The following DOCK8 variants were observed in gnomAD, a reference collection of about 807,000 sequenced individuals.
DOCK8 encodes the protein dedicator of cytokinesis protein 8.
A neutral mutation model predicts 245.6 loss-of-function variants in DOCK8; 141 were observed. That is an observed-to-expected ratio of 0.57 (90% confidence interval 0.50 to 0.66). The LOEUF is 0.66. Among genes scored for constraint, DOCK8 ranks in the 30% least tolerant of loss-of-function variants. The probability of loss-of-function intolerance (pLI) is 0.00; values close to 1 mark genes in which losing one functional copy is unlikely to be tolerated. For missense variants in DOCK8, 2,965 were observed against 2,603.4 expected (o/e 1.14, Z -3.02); for synonymous variants, 1,168 against 970.2 (o/e 1.20, Z -3.79).
chr9:280,205 A>T (rs538832800), intron 2 of DOCK8, among the ~76,000 whole-genome samples: 1 of 152,320 alleles, frequency 6.6e-6, no homozygotes, highest in African/African-American at 2.4e-5. Context: ...ATTTCTAATT[A>T]TTTTTTGTGT....
chr9:233,098 C>T (rs2047157700), intron 1 of DOCK8, among the ~76,000 whole-genome samples: 2 of 152,256 alleles, frequency 1.3e-5, no homozygotes, highest in East Asian at 1.9e-4. Context: ...TATGTTGTGT[C>T]TTTGTTCTTG....
intron 22 of DOCK8, among the ~76,000 whole-genome samples, chr9:384,997 A>G (rs2053891291): frequency 6.6e-6 from 1 of 152,236 alleles, no homozygotes; most frequent in Non-Finnish European, 1.5e-5. Context: ...AGTTTGAGCC[A>G]TCAGGAATTA....
At chr9:295,470 G>T (rs897029902) in intron 4 of DOCK8, among the ~76,000 whole-genome samples, 1 of 152,110 alleles carries the variant, frequency 6.6e-6, no homozygotes, top group African/African-American at 2.4e-5. Context: ...ATAAGTATTA[G>T]CTATTATATT....
chr9:349,130 G>A (rs1586765384), intron 14 of DOCK8, among the ~76,000 whole-genome samples: 1 of 152,162 alleles, frequency 6.6e-6, no homozygotes, highest in Non-Finnish European at 1.5e-5. Flanking sequence ...GGAGGTGCAG[G>A]TAAACCCCAC....
chr9:378,705 T>C (rs115131852), intron 20 of DOCK8, among the ~76,000 whole-genome samples: 1 of 152,226 alleles, frequency 6.6e-6, no homozygotes, highest in Non-Finnish European at 1.5e-5. Context: ...AGCTTCTCCA[T>C]AGCAAGTTGC....
intron 1 of DOCK8, among the ~76,000 whole-genome samples, chr9:231,217 T>A (rs1010513690): frequency 1.3e-5 from 2 of 152,140 alleles, no homozygotes; most frequent in Admixed American, 6.5e-5. Context: ...GTTGTAGATA[T>A]GTGGCATTAT....
intron 1 of DOCK8, among the ~76,000 whole-genome samples, chr9:222,854 G>T (rs2046914946): frequency 6.6e-6 from 1 of 152,118 alleles, no homozygotes; most frequent in Admixed American, 6.5e-5. Flanking sequence ...TTTTTACTTT[G>T]CTTAACAATG....
chr9:333,657 C>A (rs184241685), intron 10 of DOCK8, among the ~76,000 whole-genome samples: 1 of 151,036 alleles, frequency 6.6e-6, no homozygotes, highest in Admixed American at 6.6e-5. Context: ...GTATTGTACT[C>A]TACAGACTCA....
intron 46 of DOCK8, among the ~76,000 whole-genome samples, chr9:453,817 AT>A (rs927395480): frequency 1.3e-5 from 2 of 151,942 alleles, no homozygotes; most frequent in Non-Finnish European, 2.9e-5. Flanking sequence ...GCTTAAAAAA[AT>A]TTTTTTTCAT....
intron 1 of DOCK8, among the ~76,000 whole-genome samples, chr9:254,000 T>C (rs1404882488): frequency 1.3e-5 from 2 of 152,216 alleles, no homozygotes; most frequent in Non-Finnish European, 2.9e-5. Context: ...TGAAGCTAAC[T>C]GTTGTTCCCT....
Position 304,159 on chromosome 9 carries a change from A to G in DOCK8, c.405-422A>G, listed in dbSNP as rs188872387. Reference sequence around the variant, plus strand: ...CCATGTCCCGCCTGCTTTATTCATTATTAAGAACATTGATGTGAAGATTAA... The same window carrying G: ...CCATGTCCCGCCTGCTTTATTCATTGTTAAGAACATTGATGTGAAGATTAA... On this transcript the variant is annotated intron_variant, in intron 4 of 47. Coordinates refer to ENST00000432829, the MANE Select transcript of DOCK8 (RefSeq NM_203447.4). 2.8e-4 allele frequency among the ~76,000 whole-genome samples: 43 copies of G among 152,324 alleles called. No individual in the cohort carries two copies. The East Asian group carries it at 8.3e-3, about 29-fold the overall frequency.
At chr9:455,851 A>AAAAAAAAAGC (rs978319412) in intron 46 of DOCK8, among the ~76,000 whole-genome samples, 6 of 98,942 alleles carry the variant, frequency 6.1e-5, no homozygotes, top group Non-Finnish European at 1.2e-4. Flanking sequence ...ATGTGAGAAC[A>AAAAAAAAAGC]AAAAAAAAAG....
intron 1 of DOCK8, among the ~76,000 whole-genome samples, chr9:238,681 G>T (rs2047316306): frequency 6.6e-6 from 1 of 152,126 alleles, no homozygotes; most frequent in African/African-American, 2.4e-5. Flanking sequence ...CAAGAGTTAA[G>T]TTCCAGTACA....
Position 328,178 on chromosome 9 carries a change from C to G in DOCK8, c.1044+7C>G. ...CATCTACCTGGTAGTCAAGGTAATT[C>G]AGTACGATCTGATTTGCCCAATCTG... On this transcript the variant is annotated splice_region_variant and intron_variant, in intron 9 of 47. Coordinates refer to ENST00000432829, the MANE Select transcript of DOCK8 (RefSeq NM_203447.4). The G allele has an allele frequency of 6.2e-7, 1 of 1,612,262 alleles. No individual in the cohort carries two copies. Among genetic ancestry groups the G allele is most frequent in the Non-Finnish European group, 8.5e-7 (1 of 1,179,004 alleles).
intron 1 of DOCK8, among the ~76,000 whole-genome samples, chr9:241,157 A>G (rs1333755905): frequency 1.3e-5 from 2 of 152,204 alleles, no homozygotes; most frequent in African/African-American, 2.4e-5. Flanking sequence ...GTTTTGGTAC[A>G]TATAATTATA....
intron 37 of DOCK8, among the ~76,000 whole-genome samples, chr9:432,657 A>G (rs899170476): frequency 4.6e-5 from 7 of 152,200 alleles, no homozygotes; most frequent in South Asian, 2.1e-4. Flanking sequence ...GTCGTGATCA[A>G]TAAACAATCT....
intron 4 of DOCK8, among the ~76,000 whole-genome samples, chr9:290,124 A>G (rs1053170439): frequency 6.6e-6 from 1 of 152,166 alleles, no homozygotes; most frequent in Non-Finnish European, 1.5e-5. Context: ...TTATCCATTA[A>G]CTTACTGAGA....
intron 5 of DOCK8, among the ~76,000 whole-genome samples, chr9:307,338 GTTTTTTT>G (rs1165775428): frequency 0.023 from 1,159 of 51,272 alleles, 29 homozygotes; most frequent in African/African-American, 0.062. Flanking sequence ...GGTTTTTTTT[GTTTTTTT>G]TTTTTTTTTT....
At chr9:243,134 A>G (rs546847768) in intron 1 of DOCK8, among the ~76,000 whole-genome samples, 11 of 152,192 alleles carry the variant, frequency 7.2e-5, no homozygotes, top group Non-Finnish European at 1.6e-4. Context: ...ATCCATTAAA[A>G]ACACTGCCCA....
Sources: allele counts gnomAD v4.1 joint callset (sites outside exome capture counted in the v4.1 genomes callset), GRCh38; gene constraint gnomAD v4.1.1; transcripts MANE v1.5; gene names NCBI Gene and HGNC (gene_info 2026-07-23, HGNC 2026-07-21).